The following PRKG1 variants were observed in gnomAD, a reference collection of about 807,000 sequenced individuals.
PRKG1 encodes protein kinase cGMP-dependent 1, also known as cGMP-dependent protein kinase 1.
A neutral mutation model predicts 88.1 loss-of-function variants in PRKG1; 35 were observed. The ratio of observed to expected loss-of-function variants is 0.40; its 90% CI spans 0.30 to 0.53. PRKG1 has a LOEUF of 0.53. Among genes scored for constraint, PRKG1 ranks in the 20% least tolerant of loss-of-function variants. PRKG1 has a pLI of 0.59. For synonymous variants in PRKG1, 303 were observed against 292.5 expected, an observed-to-expected ratio of 1.04 and a Z score of -0.37; for missense variants, 540 against 839.8, an observed-to-expected ratio of 0.64 and a Z score of 4.41.
chr10:51,322,259 A>T (rs1172251850), intron 2 of PRKG1, among the ~76,000 whole-genome samples: 1 of 152,188 alleles, frequency 6.6e-6, no homozygotes, highest in Non-Finnish European at 1.5e-5. Context: ...ATCAATGTTT[A>T]AAAAAATATA....
chr10:51,699,574 T>C (rs767657145), intron 3 of PRKG1: 25 of 1,586,432 alleles, frequency 1.6e-5, no homozygotes, highest in African/African-American at 4.1e-5. Flanking sequence ...AGACAGCCGA[T>C]AGCGGATTCT....
intron 7 of PRKG1, among the ~76,000 whole-genome samples, chr10:52,131,163 C>G (rs1269600493): frequency 6.6e-6 from 1 of 152,102 alleles, no homozygotes; most frequent in Non-Finnish European, 1.5e-5. Context: ...TGATGGATGT[C>G]TGTGCCATAA....
intron 2 of PRKG1, among the ~76,000 whole-genome samples, chr10:51,199,472 A>C (rs1450228587): frequency 5.3e-5 from 8 of 152,166 alleles, no homozygotes; most frequent in Non-Finnish European, 1.2e-4. Flanking sequence ...AGTCTGGAAA[A>C]GGAGACATGT....
intron 5 of PRKG1, among the ~76,000 whole-genome samples, chr10:51,948,055 G>A (rs1843094575): frequency 6.6e-6 from 1 of 151,980 alleles, no homozygotes; most frequent in South Asian, 2.1e-4. Context: ...TTTATAAATG[G>A]TATTTATTTT....
intron 2 of PRKG1, among the ~76,000 whole-genome samples, chr10:51,355,538 GC>G (rs1842347047): frequency 1.3e-5 from 2 of 151,888 alleles, no homozygotes; most frequent in South Asian, 4.1e-4. Flanking sequence ...TTTTATTGTT[GC>G]TTTTTCCCTT....
At chr10:52,148,471 T>C (rs916437283) in intron 8 of PRKG1, among the ~76,000 whole-genome samples, 3 of 152,044 alleles carry the variant, frequency 2.0e-5, no homozygotes, top group African/African-American at 7.2e-5. Context: ...AAACTGAACA[T>C]ATCTTAAACA....
chr10:51,556,972 T>A (rs1205529724), intron 3 of PRKG1, among the ~76,000 whole-genome samples: 6 of 152,114 alleles, frequency 3.9e-5, no homozygotes. Flanking sequence ...ATCTGTTTTC[T>A]TTCTATGTGT....
chr10:51,413,343 T>A (rs938115539), intron 2 of PRKG1, among the ~76,000 whole-genome samples: 1 of 134,902 alleles, frequency 7.4e-6, no homozygotes, highest in Non-Finnish European at 1.6e-5. Flanking sequence ...TTAAAAAAAA[T>A]GTTTTTTTTT....
At chr10:51,214,864 A>C (rs1589250975) in intron 2 of PRKG1, among the ~76,000 whole-genome samples, 1 of 152,006 alleles carries the variant, frequency 6.6e-6, no homozygotes, top group African/African-American at 2.4e-5. Flanking sequence ...TTGGCAGGGG[A>C]CCTCTGCCCA....
chr10:51,636,819 A>G (rs1477678762), intron 3 of PRKG1, among the ~76,000 whole-genome samples: 2 of 152,180 alleles, frequency 1.3e-5, no homozygotes, highest in Admixed American at 6.5e-5. Flanking sequence ...TTTCACCTGT[A>G]TCAAATTCTT....
intron 3 of PRKG1, chr10:51,697,673 T>C: frequency 1.9e-6 from 3 of 1,609,686 alleles, no homozygotes; most frequent in Non-Finnish European, 2.5e-6. Flanking sequence ...AATTTGAGAC[T>C]ACAGCCAAAT....
intron 1 of PRKG1, among the ~76,000 whole-genome samples, chr10:51,060,033 ATAAAT>A (rs1433237415): frequency 6.6e-6 from 1 of 152,126 alleles, no homozygotes; most frequent in Non-Finnish European, 1.5e-5. Flanking sequence ...TTACTTTCAG[ATAAAT>A]TAATCATTTT....
At chr10:51,538,152 T>G (rs1336148580) in intron 3 of PRKG1, among the ~76,000 whole-genome samples, 3 of 152,134 alleles carry the variant, frequency 2.0e-5, no homozygotes, top group Non-Finnish European at 2.9e-5. Flanking sequence ...ATGATCTTAG[T>G]AGCAACTGTT....
At chr10:51,722,372 G>T (rs1842035130) in intron 3 of PRKG1, among the ~76,000 whole-genome samples, 1 of 151,978 alleles carries the variant, frequency 6.6e-6, no homozygotes, top group South Asian at 2.1e-4. Context: ...CATACCTGGT[G>T]CCTTACTTAG....
chr10:51,515,678 C>A (rs935282880), intron 3 of PRKG1, among the ~76,000 whole-genome samples: 3 of 152,178 alleles, frequency 2.0e-5, no homozygotes, highest in Admixed American at 6.5e-5. Context: ...TAGCCCAATT[C>A]TTCACACACA....
rs1334930557 is a variant in PRKG1 at position 52,297,328 on chromosome 10, T to C, written c.*3428T>C. 1 of 152,144 alleles carries C rather than the reference T, an allele frequency of 6.6e-6. No homozygotes were observed. Among genetic ancestry groups the C allele is most frequent in the African/African-American group, 2.4e-5 (1 of 41,456 alleles). 9.4% of individuals were successfully genotyped at this position (152,144 alleles called of 1,614,324 possible). A position where few individuals can be genotyped will look rare whatever the true frequency, so the allele number is the denominator to read the frequency against. Reference sequence around the variant, plus strand: ...TTCATCTGTCCCATAGTTTAGAACATGACCTGGCTATCTGGCATTGTTGCA... The same window carrying C: ...TTCATCTGTCCCATAGTTTAGAACACGACCTGGCTATCTGGCATTGTTGCA... On this transcript the variant is annotated 3_prime_UTR_variant, in exon 18 of 18. Coordinates refer to ENST00000373980, the MANE Select transcript of PRKG1 (RefSeq NM_006258.4).
intron 3 of PRKG1, among the ~76,000 whole-genome samples, chr10:51,556,194 A>G (rs968863784): frequency 4.6e-5 from 7 of 152,038 alleles, no homozygotes; most frequent in Non-Finnish European, 7.4e-5. Context: ...CCTATCATAC[A>G]TGAATAAGTT....
intron 3 of PRKG1, among the ~76,000 whole-genome samples, chr10:51,764,674 A>G (rs1366749684): frequency 6.6e-6 from 1 of 152,122 alleles, no homozygotes; most frequent in African/African-American, 2.4e-5. Flanking sequence ...TTTAGTGCCC[A>G]TCTATTTCCT....
intron 4 of PRKG1, among the ~76,000 whole-genome samples, chr10:51,816,033 C>T (rs1249613052): frequency 2.6e-5 from 4 of 152,216 alleles, no homozygotes; most frequent in African/African-American, 9.6e-5. Flanking sequence ...TGCCTCCTTA[C>T]ACACATTATT....
Sources: allele counts gnomAD v4.1 joint callset (sites outside exome capture counted in the v4.1 genomes callset), GRCh38; gene constraint gnomAD v4.1.1; transcripts MANE v1.5; gene names NCBI Gene and HGNC (gene_info 2026-07-23, HGNC 2026-07-21).